Variants in HIPK3 observed in about 807,000 individuals in gnomAD.
HIPK3 encodes homeodomain-interacting protein kinase 3.
In HIPK3, 47 loss-of-function variants were observed where a neutral mutation model predicts 124.2. The observed-to-expected ratio is 0.38, with a 90% CI of 0.30 to 0.48. HIPK3 has a LOEUF of 0.48. Ranked by LOEUF, HIPK3 falls within the 20% of genes least tolerant of loss-of-function variation. The pLI is 0.98. For missense variants in HIPK3, 1,286 were observed against 1,454.3 expected, an observed-to-expected ratio of 0.88 and a Z score of 1.88; for synonymous variants, 482 against 515.2, an observed-to-expected ratio of 0.94 and a Z score of 0.87.
chr11:33,314,704 T>C (rs1166269641), intron 2 of HIPK3, among the ~76,000 whole-genome samples: 1 of 152,114 alleles, frequency 6.6e-6, no homozygotes, highest in Non-Finnish European at 1.5e-5. Flanking sequence ...TAATAAGTAC[T>C]CAATCAACAT....
At chr11:33,326,557 A>G (rs999357605) in intron 2 of HIPK3, among the ~76,000 whole-genome samples, 6 of 152,192 alleles carry the variant, frequency 3.9e-5, no homozygotes, top group African/African-American at 1.4e-4. Flanking sequence ...TGGAGCAGGG[A>G]AAGAACAAGA....
At chr11:33,262,158 G>A (rs1232029058) in intron 1 of HIPK3, among the ~76,000 whole-genome samples, 1 of 152,196 alleles carries the variant, frequency 6.6e-6, no homozygotes, top group African/African-American at 2.4e-5. Context: ...GTCAGTGGAG[G>A]CTTTTAGGAT....
chr11:33,307,316 A>G (rs1852190182), intron 2 of HIPK3, among the ~76,000 whole-genome samples: 1 of 151,980 alleles, frequency 6.6e-6, no homozygotes, highest in Non-Finnish European at 1.5e-5. Context: ...TGTAAACAGC[A>G]TGGTAAACTT....
intron 2 of HIPK3, among the ~76,000 whole-genome samples, chr11:33,323,458 G>A (rs973806718): frequency 6.6e-6 from 1 of 152,132 alleles, no homozygotes; most frequent in Non-Finnish European, 1.5e-5. Context: ...GGCCAGGCTG[G>A]TCTTGAACTC....
chr11:33,318,642 A>G (rs951932530), intron 2 of HIPK3, among the ~76,000 whole-genome samples: 1 of 152,230 alleles, frequency 6.6e-6, no homozygotes, highest in Admixed American at 6.5e-5. Flanking sequence ...ATGTAGGATG[A>G]AAAGTTTGGT....
intron 2 of HIPK3, among the ~76,000 whole-genome samples, chr11:33,310,006 ATTG>A (rs574160180): frequency 7.1e-4 from 108 of 152,180 alleles, no homozygotes; most frequent in African/African-American, 2.5e-3. Context: ...GCACATTTCT[ATTG>A]TTATTTTAAA....
chr11:33,259,191 G>A (rs762444864), intron 1 of HIPK3, among the ~76,000 whole-genome samples: 1 of 152,002 alleles, frequency 6.6e-6, no homozygotes, highest in African/African-American at 2.4e-5. Context: ...TTAGTTGCTG[G>A]GCTCTTTAAA....
intron 2 of HIPK3, among the ~76,000 whole-genome samples, chr11:33,300,392 C>T (rs1851965476): frequency 6.6e-6 from 1 of 152,012 alleles, no homozygotes; most frequent in African/African-American, 2.4e-5. Context: ...CTTCAGCAAC[C>T]ACCATCCTGA....
intron 1 of HIPK3, among the ~76,000 whole-genome samples, chr11:33,285,576 A>T (rs200567431): frequency 1.4e-3 from 80 of 56,046 alleles, no homozygotes; most frequent in African/African-American, 4.1e-3. Context: ...TCAAAAAAAA[A>T]AAATATATAT....
chr11:33,325,910 A>C (rs1253910224), intron 2 of HIPK3, among the ~76,000 whole-genome samples: 1 of 152,214 alleles, frequency 6.6e-6, no homozygotes, highest in Non-Finnish European at 1.5e-5. Context: ...ACACACTTGA[A>C]TATTTTGTCA....
In HIPK3 at chr11:33,339,407, A is replaced by G. The variant is rs1853263057; in HGVS notation, c.1486A>G (p.Arg496Gly). The G allele has an allele frequency of 6.2e-7, 1 of 1,613,462 alleles. No homozygotes were observed. Among genetic ancestry groups the G allele is most frequent in the Non-Finnish European group, 8.5e-7 (1 of 1,179,490 alleles). The change falls in exon 6 of 17, where the codon AGA becomes GGA. Residue 496 changes from arginine (R) to glycine (G), a missense_variant. Transcript: ENST00000303296. ...SDLLAEKADR[R>G]EFVSLLKKML... is the part of the protein sequence containing the mutation. The stretch of plus-strand genomic sequence containing the variant: ...TCTTTTGGCTGAGAAAGCTGATAGA[A>G]GAGAATTTGTTAGTCTGTTGAAGAA...
intron 8 of HIPK3, among the ~76,000 whole-genome samples, chr11:33,342,059 C>G (rs574102179): frequency 1.4e-4 from 20 of 147,230 alleles, no homozygotes; most frequent in Non-Finnish European, 2.8e-4. Context: ...GCCGAGATTG[C>G]GCCACTGCGC....
At chr11:33,272,619 TCTTTC>T (rs1851157688) in intron 1 of HIPK3, among the ~76,000 whole-genome samples, 1 of 152,004 alleles carries the variant, frequency 6.6e-6, no homozygotes, top group Non-Finnish European at 1.5e-5. Flanking sequence ...TTTCCTTTTT[TCTTTC>T]CTTTTTCCTT....
At chr11:33,349,421 A>G in intron 14 of HIPK3, 134 bp downstream of exon 14, 1 of 682,730 alleles carries the variant, frequency 1.5e-6, no homozygotes, top group Non-Finnish European at 2.4e-6. Context: ...TTTGAACTAG[A>G]TCAGTTTTTA....
At chr11:33,338,629 C>A in intron 4 of HIPK3, 128 bp from the exon 5 acceptor site, 2 of 489,616 alleles carry the variant, frequency 4.1e-6, no homozygotes, top group Non-Finnish European at 3.5e-6. Context: ...TTAAAAAATA[C>A]ATTTTTGATA....
intron 3 of HIPK3, 129 bp downstream of exon 3, chr11:33,328,762 A>G (rs1367976009): frequency 1.4e-6 from 1 of 708,986 alleles, no homozygotes; most frequent in African/African-American, 1.8e-5. Flanking sequence ...AGAATCTGGG[A>G]TCTTGTAGAA....
chr11:33,295,034 C>T (rs961275147), intron 2 of HIPK3, among the ~76,000 whole-genome samples: 1 of 151,990 alleles, frequency 6.6e-6, no homozygotes, highest in African/African-American at 2.4e-5. Context: ...TCGCCCCTTC[C>T]CCCCCAGCGA....
Position 33,299,668 on chromosome 11 carries a change from C to T in HIPK3, c.1097+12157C>T, listed in dbSNP as rs187832166. Among the ~76,000 whole-genome samples, 141 of 152,254 alleles carry T rather than the reference C, an allele frequency of 9.3e-4. 1 individual carries two copies. Among genetic ancestry groups the T allele is most frequent in the South Asian group, 4.6e-3 (22 of 4,822 alleles). On this transcript the variant is annotated intron_variant, in intron 2 of 16. Coordinates refer to ENST00000303296, the MANE Select transcript of HIPK3 (RefSeq NM_005734.5). ...TGGGTAAAACATCATTAAATAGCATCGCGTTCTACAGAGAAGTCTTTCATG... is the reference window on the plus strand; with the variant it reads ...TGGGTAAAACATCATTAAATAGCATTGCGTTCTACAGAGAAGTCTTTCATG...
intron 8 of HIPK3, among the ~76,000 whole-genome samples, chr11:33,345,064 C>G (rs1853452023): frequency 6.6e-6 from 1 of 151,908 alleles, no homozygotes; most frequent in Non-Finnish European, 1.5e-5. Flanking sequence ...TACTTTGGAG[C>G]TATCATGTTT....
Sources: gnomAD v4.1 joint callset for allele counts (sites outside exome capture counted in the v4.1 genomes callset) on GRCh38, gnomAD v4.1.1 for gene constraint, MANE v1.5 for transcripts, NCBI Gene and HGNC (gene_info 2026-07-23, HGNC 2026-07-21) for gene names.